SPATA13: variants seen among roughly 807,000 people sequenced by gnomAD.
The protein encoded by SPATA13 is spermatogenesis-associated protein 13.
A neutral mutation model predicts 104.0 loss-of-function variants in SPATA13; 50 were observed. The ratio of observed to expected loss-of-function variants is 0.48; its 90% CI spans 0.38 to 0.61. The LOEUF is 0.61. Ranked by LOEUF, SPATA13 falls within the 20% of genes least tolerant of loss-of-function variation. SPATA13 has a pLI of 0.00. For missense variants in SPATA13, 1,524 were observed against 1,690.6 expected (o/e 0.90, Z 1.73); for synonymous variants, 606 against 667.5 (o/e 0.91, Z 1.42).
intron 1 of SPATA13, among the ~76,000 whole-genome samples, chr13:24,196,341 TAC>T (rs1257657884): frequency 6.6e-6 from 1 of 152,230 alleles, no homozygotes; most frequent in Admixed American, 6.5e-5. Flanking sequence ...CACATGAATT[TAC>T]AGTGTTTTTT....
chr13:24,182,334 A>G (rs937646224), intron 1 of SPATA13, among the ~76,000 whole-genome samples: 1 of 152,174 alleles, frequency 6.6e-6, no homozygotes, highest in African/African-American at 2.4e-5. Context: ...TGGGTCATTT[A>G]TAAAGAAAAG....
At chr13:24,255,716 A>G (rs1873756152) in intron 4 of SPATA13, among the ~76,000 whole-genome samples, 1 of 152,232 alleles carries the variant, frequency 6.6e-6, no homozygotes. Flanking sequence ...CTCACATGAT[A>G]GACCATCTCT....
intron 3 of SPATA13, chr13:24,123,358 G>C: frequency 7.7e-7 from 1 of 1,305,868 alleles, no homozygotes; most frequent in Non-Finnish European, 1.1e-6. Flanking sequence ...CAGAAATAGT[G>C]AATTACCCAG....
Position 24,122,798 on chromosome 13 carries a change from C to T in SPATA13, c.-111-100021C>T. 4 of 778,862 alleles carry T rather than the reference C, an allele frequency of 5.1e-6. No homozygotes were observed. The East Asian group carries it at 9.7e-5, about 19-fold the overall frequency. 48.2% of individuals were successfully genotyped at this position (778,862 alleles called of 1,614,324 possible). On this transcript the variant is annotated intron_variant, in intron 3 of 14. Transcript: ENST00000424834. ...GAAGTAGCTGCCACATCTGTGGAGA[C>T]TCTCGTTGTCATGTCAAACTGTGCA... is the stretch of plus-strand genomic sequence containing the variant.
chr13:24,093,963 C>T (rs961203834), intron 3 of SPATA13, among the ~76,000 whole-genome samples: 2 of 152,016 alleles, frequency 1.3e-5, no homozygotes, highest in African/African-American at 4.8e-5. Context: ...GGTTAGATGT[C>T]ATTGTGCAGT....
chr13:23,986,550 G>A (rs1349329159), intron 2 of SPATA13, among the ~76,000 whole-genome samples: 3 of 152,168 alleles, frequency 2.0e-5, no homozygotes, highest in Non-Finnish European at 4.4e-5. Flanking sequence ...CTTTTATCCA[G>A]GAGTCCCCTA....
upstream of SPATA13, chr13:24,160,701 G>C (rs1882433085): frequency 1.0e-6 from 1 of 985,170 alleles, no homozygotes; most frequent in African/African-American, 1.8e-5. Flanking sequence ...GGGGAGCGGG[G>C]CTGGGGCGTG....
intron 3 of SPATA13, among the ~76,000 whole-genome samples, chr13:24,025,003 C>T (rs1168020809): frequency 6.7e-6 from 1 of 150,320 alleles, no homozygotes; most frequent in African/African-American, 2.4e-5. Context: ...AGTGAATATC[C>T]AGACCCCCCA....
Position 24,290,855 on chromosome 13 carries a change from G to A in SPATA13, c.3051G>A (p.Glu1017=). 6.2e-7 allele frequency: 1 copy of A among 1,614,082 alleles called. No homozygotes were observed. Among genetic ancestry groups the A allele is most frequent in the Non-Finnish European group, 8.5e-7 (1 of 1,179,994 alleles). The change falls in exon 9 of 13, where the codon GAG becomes GAA. Residue 1017 remains glutamate (E), a synonymous_variant. Coordinates refer to ENST00000382108, the MANE Select transcript of SPATA13 (RefSeq NM_001166271.3). Reference sequence around the variant, plus strand: ...GCAAATACCCGCTGCAGCTGGCCGAGCTGCTCAAGTATACCACACAGGAAC... The same window carrying A: ...GCAAATACCCGCTGCAGCTGGCCGAACTGCTCAAGTATACCACACAGGAAC... The part of the protein sequence containing the change: ...KICKYPLQLA[E]LLKYTTQEHG...
chr13:24,282,145 C>T (rs1875576356), intron 4 of SPATA13, among the ~76,000 whole-genome samples: 1 of 150,600 alleles, frequency 6.6e-6, no homozygotes, highest in African/African-American at 2.5e-5. Context: ...ATAAGGGGAG[C>T]AGGAGGCTAA....
At chr13:24,128,766 T>TA (rs1387163069) in intron 3 of SPATA13, among the ~76,000 whole-genome samples, 3 of 151,610 alleles carry the variant, frequency 2.0e-5, no homozygotes, top group Non-Finnish European at 4.4e-5. Flanking sequence ...TTACTTCCCT[T>TA]AAAAAATACG....
rs1164317247 is a variant in SPATA13 at position 24,289,187 on chromosome 13, C to A, written c.2847+9C>A. ...CTTGCTTTCTTCAAAATGTGCGTCACCCTTTACTTCATTATTAATAACATC... is the reference window on the plus strand; with the variant it reads ...CTTGCTTTCTTCAAAATGTGCGTCAACCTTTACTTCATTATTAATAACATC... On this transcript the variant is annotated intron_variant, in intron 8 of 12. Coordinates refer to ENST00000382108, the MANE Select transcript of SPATA13 (RefSeq NM_001166271.3). 6.3e-7 allele frequency: 1 copy of A among 1,598,180 alleles called. No homozygotes were observed. The highest frequency in any genetic ancestry group is 1.8e-5 in the Admixed American group (1 of 54,922).
chr13:24,061,937 C>T (rs1420924617), intron 3 of SPATA13, among the ~76,000 whole-genome samples: 1 of 151,646 alleles, frequency 6.6e-6, no homozygotes, highest in African/African-American at 2.4e-5. Context: ...AAGTACCTCA[C>T]CCAAAGCCAC....
intron 3 of SPATA13, among the ~76,000 whole-genome samples, chr13:24,046,652 C>A (rs1878160166): frequency 6.6e-6 from 1 of 151,478 alleles, no homozygotes. Flanking sequence ...GTATAGATGT[C>A]CAATGTATAA....
intron 9 of SPATA13, among the ~76,000 whole-genome samples, chr13:24,293,366 A>G (rs1246938501): frequency 6.6e-6 from 1 of 152,142 alleles, no homozygotes; most frequent in East Asian, 1.9e-4. Context: ...AGAGCCAAAG[A>G]CAATTAATAA....
In SPATA13 at chr13:24,078,901, A is replaced by G. The variant is rs562021524; in HGVS notation, c.-112+61200A>G. Reference sequence around the variant, plus strand: ...CCATGCTGGGTACTGTGGACCCAACAGTTTGGGAGATGGGCACAGCTTCTT... The same window carrying G: ...CCATGCTGGGTACTGTGGACCCAACGGTTTGGGAGATGGGCACAGCTTCTT... On this transcript the variant is annotated intron_variant, in intron 3 of 14. Coordinates refer to the SPATA13 transcript ENST00000424834. Among the ~76,000 whole-genome samples, 149 of 152,356 alleles carry G rather than the reference A, an allele frequency of 9.8e-4. 2 individuals are homozygous for G. The highest frequency in any genetic ancestry group is 3.4e-3 in the African/African-American group (141 of 41,584).
intron 4 of SPATA13, among the ~76,000 whole-genome samples, chr13:24,253,914 G>C (rs1025147773): frequency 6.6e-6 from 1 of 152,204 alleles, no homozygotes; most frequent in Non-Finnish European, 1.5e-5. Context: ...GCTGAGGCTG[G>C]AAAGGGCTCT....
chr13:24,116,537 GA>G (rs2137819245), intron 3 of SPATA13, among the ~76,000 whole-genome samples: 1 of 152,240 alleles, frequency 6.6e-6, no homozygotes, highest in East Asian at 1.9e-4. Context: ...TCCTGCACTT[GA>G]TCTTCATTAT....
chr13:24,233,926 CACTGA>C (rs927036381), intron 2 of SPATA13, among the ~76,000 whole-genome samples: 6 of 135,628 alleles, frequency 4.4e-5, no homozygotes, highest in Non-Finnish European at 8.1e-5. Flanking sequence ...CACACACACA[CACTGA>C]TAAGATTATT....
Sources: allele counts gnomAD v4.1 joint callset (sites outside exome capture counted in the v4.1 genomes callset), GRCh38; gene constraint gnomAD v4.1.1; transcripts MANE v1.5; gene names NCBI Gene and HGNC (gene_info 2026-07-23, HGNC 2026-07-21).